The following WWOX variants were observed in gnomAD, a reference collection of about 807,000 sequenced individuals.
The protein encoded by WWOX is WW domain-containing oxidoreductase.
WWOX carries 69 observed loss-of-function variants against 46.2 expected under a neutral mutation model. The ratio of observed to expected loss-of-function variants is 1.49; its 90% confidence interval spans 1.23 to 1.82. The LOEUF is 1.82. Among genes scored for constraint, WWOX ranks in the 40% most tolerant of loss-of-function variants. The pLI, the probability that WWOX is intolerant of heterozygous loss-of-function variation, is 0.00. For missense variants in WWOX, 919 were observed against 542.6 expected, an observed-to-expected ratio of 1.69 and a Z score of -6.89; for synonymous variants, 359 against 202.6, an observed-to-expected ratio of 1.77 and a Z score of -6.56.
chr16:79,094,454 G>A (rs957924515), intron 8 of WWOX, among the ~76,000 whole-genome samples: 10 of 151,962 alleles, frequency 6.6e-5, no homozygotes, highest in African/African-American at 2.4e-4. Context: ...GTTTCACCAT[G>A]TTGGCCAAAC....
At chr16:78,641,204 A>T (rs910809506) in intron 8 of WWOX, among the ~76,000 whole-genome samples, 2 of 151,594 alleles carry the variant, frequency 1.3e-5, no homozygotes, top group African/African-American at 2.4e-5. Flanking sequence ...CGCTGTGTTT[A>T]TTTTTTTTCA....
chr16:78,351,606 G>C (rs1480164279), intron 5 of WWOX, among the ~76,000 whole-genome samples: 1 of 152,118 alleles, frequency 6.6e-6, no homozygotes, highest in Non-Finnish European at 1.5e-5. Context: ...GCAGATGCTG[G>C]CTCTATATTG....
intron 8 of WWOX, among the ~76,000 whole-genome samples, chr16:79,063,195 T>A (rs2150552106): frequency 6.6e-6 from 1 of 152,350 alleles, no homozygotes; most frequent in Admixed American, 6.5e-5. Flanking sequence ...TTCACATTGC[T>A]TGCAGTATGT....
chr16:78,221,773 T>G (rs1005264109), intron 5 of WWOX, among the ~76,000 whole-genome samples: 7 of 152,208 alleles, frequency 4.6e-5, no homozygotes, highest in Non-Finnish European at 7.3e-5. Context: ...AATCCCGTAT[T>G]TGGAAGGTTT....
intron 8 of WWOX, among the ~76,000 whole-genome samples, chr16:78,970,322 C>T (rs1350803527): frequency 6.6e-6 from 1 of 152,220 alleles, no homozygotes; most frequent in Non-Finnish European, 1.5e-5. Context: ...GTGTAAACTC[C>T]ATTTGGACTT....
At chr16:79,059,746 G>A (rs1266445283) in intron 8 of WWOX, among the ~76,000 whole-genome samples, 1 of 152,208 alleles carries the variant, frequency 6.6e-6, no homozygotes, top group Non-Finnish European at 1.5e-5. Flanking sequence ...GAGGCCTTGA[G>A]AAATGGGTAA....
chr16:78,453,615 T>C (rs55712166), intron 8 of WWOX, among the ~76,000 whole-genome samples: 18,197 of 152,018 alleles, frequency 0.12, 1,696 homozygotes, highest in African/African-American at 0.25. Context: ...TAAAACCAGC[T>C]ACTTCAGCCC....
intron 8 of WWOX, among the ~76,000 whole-genome samples, chr16:78,817,348 C>T (rs1458731294): frequency 1.3e-5 from 2 of 151,872 alleles, no homozygotes; most frequent in African/African-American, 2.4e-5. Context: ...TAGAAGAAAC[C>T]AGAAGGCATT....
chr16:78,428,291 A>T (rs1266117676), intron 7 of WWOX, among the ~76,000 whole-genome samples: 2 of 152,190 alleles, frequency 1.3e-5, no homozygotes, highest in Non-Finnish European at 2.9e-5. Flanking sequence ...TTGTTTTACT[A>T]CCTCTGGAGC....
chr16:78,298,198 G>A (rs1416937852), intron 5 of WWOX, among the ~76,000 whole-genome samples: 1 of 152,098 alleles, frequency 6.6e-6, no homozygotes, highest in Non-Finnish European at 1.5e-5. Flanking sequence ...AAACCACCCA[G>A]TCTTGGGTAT....
chr16:78,891,120 A>G (rs1021543602), intron 8 of WWOX: 12 of 152,134 alleles, frequency 7.9e-5, no homozygotes, highest in African/African-American at 2.7e-4. Context: ...ATTTTTCTCA[A>G]AACTGAAATT....
At chr16:78,863,676 A>C (rs990120454) in intron 8 of WWOX, among the ~76,000 whole-genome samples, 1 of 152,206 alleles carries the variant, frequency 6.6e-6, no homozygotes, top group East Asian at 1.9e-4. Context: ...AGTGCCTCGC[A>C]CACAGCAAGT....
At chr16:79,174,753 A>C (rs1234452352) in intron 8 of WWOX, among the ~76,000 whole-genome samples, 1 of 152,256 alleles carries the variant, frequency 6.6e-6, no homozygotes, top group Non-Finnish European at 1.5e-5. Flanking sequence ...ATGAGTGAGC[A>C]GTACTCATGG....
chr16:78,620,209 C>G (rs2046142842), intron 8 of WWOX, among the ~76,000 whole-genome samples: 1 of 152,182 alleles, frequency 6.6e-6, no homozygotes, highest in Non-Finnish European at 1.5e-5. Flanking sequence ...AAGGAACTGG[C>G]TTAACCAAGA....
intron 8 of WWOX, among the ~76,000 whole-genome samples, chr16:79,182,060 C>T (rs1311277727): frequency 2.6e-5 from 4 of 151,938 alleles, no homozygotes; most frequent in African/African-American, 9.7e-5. Flanking sequence ...GCAGGGGAAC[C>T]TTCCAACATC....
chr16:79,208,885 A>C (rs1028624394), intron 8 of WWOX, among the ~76,000 whole-genome samples: 2 of 152,222 alleles, frequency 1.3e-5, no homozygotes, highest in Non-Finnish European at 2.9e-5. Flanking sequence ...GGGACCAACA[A>C]GATATTGTTA....
At chr16:78,785,464 AAAAC>A (rs1311757525) in intron 8 of WWOX, among the ~76,000 whole-genome samples, 5 of 152,350 alleles carry the variant, frequency 3.3e-5, no homozygotes, top group Admixed American at 6.5e-5. Flanking sequence ...GGCTCTCTGA[AAAAC>A]AAACAAACAC....
chr16:79,200,672 C>A (rs547494318), intron 8 of WWOX, among the ~76,000 whole-genome samples: 5 of 152,192 alleles, frequency 3.3e-5, no homozygotes, highest in Admixed American at 3.3e-4. Context: ...TTAGACTAAC[C>A]CTCCCTAAGC....
intron 8 of WWOX, among the ~76,000 whole-genome samples, chr16:78,674,646 C>A (rs923981963): frequency 6.6e-6 from 1 of 152,096 alleles, no homozygotes. Flanking sequence ...CTTCTGGCCA[C>A]CTGCCTTTAT....
Sources: allele counts gnomAD v4.1 joint callset (sites outside exome capture counted in the v4.1 genomes callset), GRCh38; gene constraint gnomAD v4.1.1; transcripts MANE v1.5; gene names NCBI Gene and HGNC (gene_info 2026-07-23, HGNC 2026-07-21).